Variants in KLRG1 observed in about 807,000 individuals in gnomAD.
KLRG1 encodes killer cell lectin-like receptor subfamily G member 1.
In KLRG1, 16 loss-of-function variants were observed where a neutral mutation model predicts 21.8. That is an observed-to-expected ratio of 0.73 (90% CI 0.50 to 1.11). The LOEUF (loss-of-function observed/expected upper bound fraction) is 1.11, where lower values mean the gene tolerates loss of function less well. Among genes scored for constraint, KLRG1 ranks in the 50% most tolerant of loss-of-function variants. The pLI, the probability that KLRG1 is intolerant of heterozygous loss-of-function variation, is 0.00. For synonymous variants in KLRG1, 69 were observed against 75.9 expected, an observed-to-expected ratio of 0.91 and a Z score of 0.47; for missense variants, 173 against 218.3, an observed-to-expected ratio of 0.79 and a Z score of 1.31.
At chr12:9,113,893 T>C in the KLRG1 span, among the ~76,000 whole-genome samples, 25 of 152,354 alleles carry the variant, frequency 1.6e-4, no homozygotes, top group African/African-American at 6.0e-4. Flanking sequence ...CTGTAAAAAG[T>C]AAGCAAGCTC....
intron 1 of KLRG1, among the ~76,000 whole-genome samples, chr12:8,973,085 G>T (rs1486360061): frequency 6.7e-6 from 1 of 149,884 alleles, no homozygotes; most frequent in African/African-American, 2.5e-5. Flanking sequence ...CTAGAACCCA[G>T]GAGGCAGAGG....
the KLRG1 span, chr12:9,196,590 C>T: frequency 6.2e-7 from 1 of 1,610,694 alleles, no homozygotes; most frequent in Admixed American, 1.7e-5. Flanking sequence ...CTTCTCTGAT[C>T]CTGGCTTCCA....
the KLRG1 span, among the ~76,000 whole-genome samples, chr12:9,041,695 A>G: frequency 4.6e-5 from 7 of 152,304 alleles, no homozygotes; most frequent in Non-Finnish European, 8.8e-5. Flanking sequence ...ACCTAAGTCT[A>G]TTTGGAGAGT....
chr12:9,074,762 C>T, the KLRG1 span: 16 of 1,612,930 alleles, frequency 9.9e-6, no homozygotes, highest in South Asian at 4.4e-5. Context: ...TTTCTGAGGG[C>T]GCTCCCAATG....
the KLRG1 span, among the ~76,000 whole-genome samples, chr12:9,159,329 A>G: frequency 6.6e-6 from 1 of 152,204 alleles, no homozygotes; most frequent in Non-Finnish European, 1.5e-5. Context: ...TTATTTATCC[A>G]CACTGAATAT....
the KLRG1 span, among the ~76,000 whole-genome samples, chr12:9,198,760 AAGAT>A: frequency 6.6e-6 from 1 of 152,222 alleles, no homozygotes; most frequent in East Asian, 1.9e-4. Flanking sequence ...TTCAAATAAA[AAGAT>A]AGAATCAAAG....
the KLRG1 span, among the ~76,000 whole-genome samples, chr12:9,201,893 GTATAA>G: frequency 3.3e-5 from 5 of 152,026 alleles, no homozygotes; most frequent in East Asian, 1.9e-4. Context: ...AAGTCTTTGT[GTATAA>G]TATATTTCTA....
At chr12:9,075,553 G>A in the KLRG1 span, among the ~76,000 whole-genome samples, 1 of 152,186 alleles carries the variant, frequency 6.6e-6, no homozygotes, top group Admixed American at 6.5e-5. Flanking sequence ...GCACATACTT[G>A]TATAGGGGTC....
chr12:9,166,009 A>G, the KLRG1 span: 1 of 1,566,148 alleles, frequency 6.4e-7, no homozygotes. Context: ...GAGGAACCAC[A>G]TTCCCTCCCC....
At chr12:9,113,301 A>C in the KLRG1 span, 1 of 1,562,788 alleles carries the variant, frequency 6.4e-7, no homozygotes, top group Non-Finnish European at 8.7e-7. Flanking sequence ...ACAGAATACT[A>C]GATCCCTATG....
chr12:9,208,148 G>T, the KLRG1 span: 2 of 707,302 alleles, frequency 2.8e-6, no homozygotes, highest in Non-Finnish European at 5.0e-6. Flanking sequence ...TCTTATATTT[G>T]GAAGGTATTG....
rs1169885440 is a variant in KLRG1, at chr12:9,006,428, T to G, written c.358-2547T>G. Among the ~76,000 whole-genome samples, 3 of 152,180 alleles carry G rather than the reference T, an allele frequency of 2.0e-5. No individual in the cohort carries two copies. In the East Asian group the frequency reaches 5.8e-4, roughly 29 times the overall value. ...CTATGCAAAGACCTTAAAGCAAGAA[T>G]GACCTTGGCATGTTAAAGGAAAAGA... On this transcript the variant is annotated intron_variant, in intron 3 of 4. Transcript: ENST00000356986.
the KLRG1 span, chr12:9,028,203 A>G: frequency 1.7e-6 from 1 of 587,392 alleles, no homozygotes; most frequent in South Asian, 1.9e-5. Context: ...CTAGGCTGGA[A>G]TGCAATGGTG....
upstream of KLRG1, among the ~76,000 whole-genome samples, chr12:8,988,598 C>T (rs1048150035): frequency 6.6e-6 from 1 of 151,748 alleles, no homozygotes; most frequent in African/African-American, 2.4e-5. Context: ...TTTTTTTAGA[C>T]GGAGTTTCAC....
chr12:8,983,625 T>C (rs1054282293), intron 1 of KLRG1, among the ~76,000 whole-genome samples: 1 of 152,076 alleles, frequency 6.6e-6, no homozygotes, highest in Admixed American at 6.5e-5. Context: ...GGTCTCGAAC[T>C]GGTGAGCTCA....
the KLRG1 span, among the ~76,000 whole-genome samples, chr12:9,193,250 GT>G: frequency 6.6e-6 from 1 of 152,148 alleles, no homozygotes; most frequent in Admixed American, 6.6e-5. Context: ...TGCAGATAAT[GT>G]TTTGCGCACA....
At chr12:8,979,034 T>A (rs1373784661) in intron 1 of KLRG1, among the ~76,000 whole-genome samples, 3 of 145,042 alleles carry the variant, frequency 2.1e-5, no homozygotes, top group Non-Finnish European at 4.5e-5. Flanking sequence ...TTTTTTTTTT[T>A]AGACATATCT....
the KLRG1 span, among the ~76,000 whole-genome samples, chr12:9,024,927 G>A: frequency 6.6e-6 from 1 of 152,198 alleles, no homozygotes; most frequent in Non-Finnish European, 1.5e-5. Flanking sequence ...AAGTAAAGAA[G>A]AGGGAAGAAA....
At chr12:9,160,062 A>T in the KLRG1 span, 1 of 1,569,288 alleles carries the variant, frequency 6.4e-7, no homozygotes, top group Non-Finnish European at 8.8e-7. Flanking sequence ...ATGAAGCATT[A>T]AAGAAAGGCA....
Sources: gnomAD v4.1 joint callset for allele counts (sites outside exome capture counted in the v4.1 genomes callset) on GRCh38, gnomAD v4.1.1 for gene constraint, MANE v1.5 for transcripts, NCBI Gene and HGNC (gene_info 2026-07-23, HGNC 2026-07-21) for gene names.